Variants in KLHL13 observed in about 807,000 individuals in gnomAD.
KLHL13 encodes kelch like family member 13, also known as kelch-like protein 13.
KLHL13 carries 10 observed loss-of-function variants against 37.1 expected under a neutral mutation model. That is an observed-to-expected ratio of 0.27 (90% CI 0.17 to 0.46). The LOEUF is 0.46. Among genes scored for constraint, KLHL13 ranks in the 20% least tolerant of loss-of-function variants. The pLI, the probability that KLHL13 is intolerant of heterozygous loss-of-function variation, is 1.00. For missense variants in KLHL13, 360 were observed against 509.3 expected (o/e 0.71, Z 2.82); for synonymous variants, 163 against 181.2 (o/e 0.90, Z 0.81).
At chrX:117,972,955 A>G (rs1382814566) in exon 1 of KLHL13, 2 of 1,086,801 alleles carry the variant, frequency 1.8e-6, no homozygotes, top group Admixed American at 7.3e-5. Flanking sequence ...GGATTCTGCC[A>G]GTGCCCTTAA....
chrX:118,053,859 A>G (rs2054654538), intron 1 of KLHL13, among the ~76,000 whole-genome samples: 1 of 84,031 alleles, frequency 1.2e-5, no homozygotes, highest in African/African-American at 4.8e-5. Context: ...GGAGAGAGAG[A>G]GAGAGAGAGA....
chrX:117,977,178 C>T (rs1347919774), upstream of KLHL13, among the ~76,000 whole-genome samples: 7 of 111,762 alleles, frequency 6.3e-5, no homozygotes, highest in Non-Finnish European at 9.4e-5. Flanking sequence ...GAGATATCAA[C>T]TCCTCCAATT....
intron 2 of KLHL13, among the ~76,000 whole-genome samples, chrX:117,923,240 C>T (rs181330189): frequency 4.1e-4 from 45 of 111,045 alleles, no homozygotes; most frequent in African/African-American, 1.3e-3. Context: ...GTTGTTGGTT[C>T]GAAGGATATT....
intron 1 of KLHL13, among the ~76,000 whole-genome samples, chrX:118,110,377 C>CTTT (rs1054663520): frequency 1.1e-4 from 9 of 82,529 alleles, no homozygotes; most frequent in South Asian, 5.3e-4. Flanking sequence ...ATTTCTTTTT[C>CTTT]TTTTTTTTTT....
chrX:117,919,774 T>G (rs752043106), intron 3 of KLHL13, 57 bp from the exon 5 acceptor site: 6 of 883,503 alleles, frequency 6.8e-6, no homozygotes, highest in African/African-American at 6.1e-5. Context: ...CAAACTCACT[T>G]CTGCTGCTAA....
intron 2 of KLHL13, among the ~76,000 whole-genome samples, chrX:117,922,588 C>A (rs1005943149): frequency 2.7e-5 from 3 of 111,468 alleles, no homozygotes; most frequent in Non-Finnish European, 3.8e-5. Context: ...AAACCTCTCC[C>A]AATAATAAAA....
chrX:117,965,195 G>A (rs2053399024), intron 1 of KLHL13, among the ~76,000 whole-genome samples: 2 of 111,517 alleles, frequency 1.8e-5, no homozygotes, highest in African/African-American at 6.5e-5. Context: ...CTAGTTTACA[G>A]TCCCACCAAC....
chrX:117,919,778 C>T, intron 3 of KLHL13, 61 bp from the exon 5 acceptor site: 2 of 856,353 alleles, frequency 2.3e-6, no homozygotes, highest in African/African-American at 2.0e-5. Context: ...CTCACTTCTG[C>T]TGCTAATTAG....
At chrX:117,979,910 A>T (rs2053641673) in intron 1 of KLHL13, among the ~76,000 whole-genome samples, 1 of 111,954 alleles carries the variant, frequency 8.9e-6, no homozygotes, top group Non-Finnish European at 1.9e-5. Flanking sequence ...TCCTTAAACT[A>T]CTTTGAGTAA....
chrX:118,099,545 C>T (rs1233013222), intron 1 of KLHL13, among the ~76,000 whole-genome samples: 1 of 111,393 alleles, frequency 9.0e-6, no homozygotes, highest in African/African-American at 3.3e-5. Flanking sequence ...CACAGTGGCT[C>T]ACACCTATAA....
chrX:117,903,729 T>C (rs764995743), intron 5 of KLHL13, among the ~76,000 whole-genome samples: 2 of 111,098 alleles, frequency 1.8e-5, no homozygotes, highest in Non-Finnish European at 3.8e-5. Flanking sequence ...TAGAAGTAAT[T>C]AAACCACACA....
intron 1 of KLHL13, among the ~76,000 whole-genome samples, chrX:118,035,846 A>G (rs1293506445): frequency 1.8e-4 from 18 of 102,738 alleles, no homozygotes; most frequent in Admixed American, 6.2e-4. Context: ...AGAAAACCCC[A>G]TTGTCTCAGC....
intron 1 of KLHL13, among the ~76,000 whole-genome samples, chrX:118,102,218 A>G (rs1364226665): frequency 8.9e-6 from 1 of 112,056 alleles, no homozygotes; most frequent in African/African-American, 3.2e-5. Flanking sequence ...AGATAAGTCA[A>G]AAATTGATGA....
At chrX:118,057,460 T>C (rs771706107) in intron 1 of KLHL13, among the ~76,000 whole-genome samples, 140 of 112,583 alleles carry the variant, frequency 1.2e-3, no homozygotes, top group African/African-American at 4.3e-3. Flanking sequence ...ACCAAAAGCA[T>C]GAGCAACAAT....
intron 1 of KLHL13, among the ~76,000 whole-genome samples, chrX:117,965,102 C>T (rs2053395704): frequency 9.0e-6 from 1 of 111,692 alleles, no homozygotes; most frequent in African/African-American, 3.3e-5. Context: ...GGTATATACC[C>T]AGTAATGGGA....
At chrX:118,004,361 T>C (rs1311660623) in intron 1 of KLHL13, among the ~76,000 whole-genome samples, 1 of 112,083 alleles carries the variant, frequency 8.9e-6, no homozygotes, top group South Asian at 3.7e-4. Context: ...TGAGCACTCC[T>C]AGCAAACAGA....
intron 1 of KLHL13, among the ~76,000 whole-genome samples, chrX:118,112,328 C>T (rs758031645): frequency 1.1e-3 from 127 of 111,826 alleles, no homozygotes; most frequent in African/African-American, 3.6e-3. Context: ...AGGTCTAGGT[C>T]GCCTTCATGA....
chrX:118,031,900 G>A (rs748490827), intron 1 of KLHL13, among the ~76,000 whole-genome samples: 37 of 109,454 alleles, frequency 3.4e-4, no homozygotes, highest in South Asian at 1.6e-3. Flanking sequence ...TGCGCGAGCC[G>A]AAGCAGGGCA....
At chrX:117,899,107 T>C in exon 7 of KLHL13, 1 of 1,211,338 alleles carries the variant, frequency 8.3e-7, no homozygotes, top group Non-Finnish European at 1.1e-6. Flanking sequence ...CCCAACCACA[T>C]AGATTTTATT....
Sources: gnomAD v4.1 joint callset for allele counts (sites outside exome capture counted in the v4.1 genomes callset) on GRCh38, gnomAD v4.1.1 for gene constraint, MANE v1.5 for transcripts, NCBI Gene and HGNC (gene_info 2026-07-23, HGNC 2026-07-21) for gene names.